NF2: variants seen among roughly 807,000 people sequenced by gnomAD.
NF2 encodes merlin.
In NF2, 8 loss-of-function variants were observed where a neutral mutation model predicts 83.7. The ratio of observed to expected loss-of-function variants is 0.10; its 90% CI spans 0.06 to 0.17. The LOEUF is 0.17. Ranked by LOEUF, NF2 falls within the 10% of genes least tolerant of loss-of-function variation. The pLI is 1.00. For missense variants in NF2, 533 were observed against 744.4 expected (o/e 0.72, Z 3.31); for synonymous variants, 266 against 269.6 (o/e 0.99, Z 0.13).
intron 1 of NF2, among the ~76,000 whole-genome samples, chr22:29,624,566 AC>A (rs1477117093): frequency 6.6e-6 from 1 of 152,164 alleles, no homozygotes. Flanking sequence ...TCAGGGCCTG[AC>A]CCGTAGTGAG....
intron 9 of NF2, 67 bp downstream of exon 9, chr22:29,665,131 TAA>T: frequency 8.4e-7 from 1 of 1,193,310 alleles, no homozygotes; most frequent in Non-Finnish European, 1.2e-6. Context: ...TACTTCTTTT[TAA>T]AGGATATCAG....
intron 7 of NF2, among the ~76,000 whole-genome samples, chr22:29,660,592 C>T (rs148394683): frequency 2.0e-5 from 3 of 152,220 alleles, no homozygotes; most frequent in South Asian, 2.1e-4. Context: ...TGTTTTTTAA[C>T]GAAGTCTCTC....
chr22:29,613,726 C>T (rs890383689), intron 1 of NF2, among the ~76,000 whole-genome samples: 1 of 151,794 alleles, frequency 6.6e-6, no homozygotes, highest in Non-Finnish European at 1.5e-5. Flanking sequence ...TGCTACATGC[C>T]ACAGACTGTG....
At chr22:29,689,177 CAAAAAAAAAAA>C (rs140087) in intron 15 of NF2, among the ~76,000 whole-genome samples, 14 of 89,300 alleles carry the variant, frequency 1.6e-4, no homozygotes, top group South Asian at 1.3e-3. Context: ...GACTCCGTCT[CAAAAAAAAAAA>C]AAAAAAAAAA....
chr22:29,672,376 C>T (rs2066823330), intron 11 of NF2, among the ~76,000 whole-genome samples: 1 of 148,776 alleles, frequency 6.7e-6, no homozygotes, highest in Non-Finnish European at 1.5e-5. Context: ...TACAGTGGCA[C>T]GATCTCAGCT....
chr22:29,670,340 T>A (rs1297636264), intron 10 of NF2, among the ~76,000 whole-genome samples: 1 of 152,138 alleles, frequency 6.6e-6, no homozygotes, highest in South Asian at 2.1e-4. Context: ...TAGTTTCTTT[T>A]TTTTTAAAAG....
Position 29,697,112 on chromosome 22 carries a change from C to T in NF2, c.*2310C>T, listed in dbSNP as rs777037756. The T allele has an allele frequency of 4.0e-5, 8 of 200,526 alleles. No individual in the cohort carries two copies. Among genetic ancestry groups the T allele is most frequent in the Admixed American group, 6.0e-5 (1 of 16,592 alleles). The allele number at this position is 200,526 out of a possible 1,614,324, so 12.4% of individuals were successfully genotyped here. A position where few individuals can be genotyped will look rare whatever the true frequency, so the allele number is the denominator to read the frequency against. ...GATTATAGGCGTGAGCCACCATGCC[C>T]GGTCTCTTCTCAGTCTTGAAGCCCA... On this transcript the variant is annotated 3_prime_UTR_variant, in exon 16 of 16. Coordinates refer to ENST00000338641, the MANE Select transcript of NF2 (RefSeq NM_000268.4).
At chr22:29,608,392 C>A (rs2064861513) in intron 1 of NF2, among the ~76,000 whole-genome samples, 2 of 150,492 alleles carry the variant, frequency 1.3e-5, no homozygotes. Flanking sequence ...GATTCTCCTG[C>A]CTCAGCCACC....
intron 1 of NF2, among the ~76,000 whole-genome samples, chr22:29,618,996 C>T (rs2065143061): frequency 6.6e-6 from 1 of 152,042 alleles, no homozygotes; most frequent in African/African-American, 2.4e-5. Flanking sequence ...TAGTTCTATA[C>T]TCTATATTAG....
At chr22:29,681,337 A>G in intron 14 of NF2, 102 bp from the exon 15 acceptor site, 12 of 1,474,286 alleles carry the variant, frequency 8.1e-6, no homozygotes, top group Non-Finnish European at 1.0e-5. Flanking sequence ...CCCAGGCCTC[A>G]AACCCTAGAT....
intron 15 of NF2, chr22:29,683,236 C>A (rs1306716006): frequency 3.2e-6 from 5 of 1,550,272 alleles, no homozygotes; most frequent in African/African-American, 1.4e-5. Flanking sequence ...GGCACCCACC[C>A]TGTGAAGCCA....
At chr22:29,653,157 C>T (rs534923943) in intron 4 of NF2, among the ~76,000 whole-genome samples, 1 of 152,206 alleles carries the variant, frequency 6.6e-6, no homozygotes, top group South Asian at 2.1e-4. Context: ...TTAAATTTGA[C>T]AAATTAGGCC....
At chr22:29,664,499 C>G (rs1239695524) in intron 8 of NF2, among the ~76,000 whole-genome samples, 1 of 152,152 alleles carries the variant, frequency 6.6e-6, no homozygotes, top group Non-Finnish European at 1.5e-5. Context: ...GATTGTTCTT[C>G]TAAGATCAGC....
At chr22:29,619,583 G>A (rs531873199) in intron 1 of NF2, among the ~76,000 whole-genome samples, 1 of 140,820 alleles carries the variant, frequency 7.1e-6, no homozygotes, top group East Asian at 2.0e-4. Flanking sequence ...TTTTAGTAGA[G>A]ATGGGGTCTT....
chr22:29,678,085 C>G, intron 13 of NF2, 111 bp from the exon 14 acceptor site: 1 of 1,432,472 alleles, frequency 7.0e-7, no homozygotes, highest in East Asian at 2.3e-5. Flanking sequence ...GAGGTGGGAC[C>G]CGAGTTGTGC....
intron 1 of NF2, among the ~76,000 whole-genome samples, chr22:29,622,275 C>T (rs912986645): frequency 6.6e-6 from 1 of 152,156 alleles, no homozygotes; most frequent in African/African-American, 2.4e-5. Flanking sequence ...ACTAACGATC[C>T]GTGCTACATT....
Position 29,639,046 on chromosome 22 carries a change from A to C in NF2, c.241-44A>C, listed in dbSNP as rs779344815. The C allele has an allele frequency of 6.8e-6, 11 of 1,613,914 alleles. No individual in the cohort carries two copies. The South Asian group carries it at 1.2e-4, about 18-fold the overall frequency. ...CTTCTTTGAGGGTAGCACAGGAGGA[A>C]GTGCCAATATAGTGTGTTTGTCTTT... On this transcript the variant is annotated intron_variant, in intron 2 of 15. Coordinates refer to ENST00000338641, the MANE Select transcript of NF2 (RefSeq NM_000268.4).
At chr22:29,663,246 T>C (rs2066525857) in intron 8 of NF2, among the ~76,000 whole-genome samples, 1 of 152,232 alleles carries the variant, frequency 6.6e-6, no homozygotes, top group Non-Finnish European at 1.5e-5. Context: ...TTATTGCACG[T>C]CCACACATTT....
At chr22:29,645,317 C>T (rs1348787117) in intron 4 of NF2, among the ~76,000 whole-genome samples, 2 of 152,124 alleles carry the variant, frequency 1.3e-5, no homozygotes, top group East Asian at 1.9e-4. Context: ...TATCTGCCCT[C>T]AGTGATTTGC....
Sources: gnomAD v4.1 joint callset for allele counts (sites outside exome capture counted in the v4.1 genomes callset) on GRCh38, gnomAD v4.1.1 for gene constraint, MANE v1.5 for transcripts, NCBI Gene and HGNC (gene_info 2026-07-23, HGNC 2026-07-21) for gene names.